The following CDC42SE2 variants were observed in gnomAD, a reference collection of about 807,000 sequenced individuals.
The protein encoded by CDC42SE2 is CDC42 small effector 2, also known as CDC42 small effector protein 2.
A neutral mutation model predicts 11.5 loss-of-function variants in CDC42SE2; 3 were observed. That is an observed-to-expected ratio of 0.26 (90% CI 0.12 to 0.67). The LOEUF (loss-of-function observed/expected upper bound fraction) is 0.67. Among genes scored for constraint, CDC42SE2 ranks in the 30% least tolerant of loss-of-function variants. The pLI, the probability that CDC42SE2 is intolerant of heterozygous loss-of-function variation, is 0.80. For missense variants in CDC42SE2, 82 were observed against 106.8 expected (o/e 0.77, Z 1.02); for synonymous variants, 33 against 34.8 (o/e 0.95, Z 0.18).
intron 3 of CDC42SE2, among the ~76,000 whole-genome samples, chr5:131,369,751 A>G (rs1749964998): frequency 6.6e-6 from 1 of 152,100 alleles, no homozygotes; most frequent in African/African-American, 2.4e-5. Flanking sequence ...TGAAGTAGTA[A>G]CCCCAGTTCC....
the CDC42SE2 span, among the ~76,000 whole-genome samples, chr5:131,210,564 T>C: frequency 1.6e-4 from 24 of 152,232 alleles, no homozygotes; most frequent in Non-Finnish European, 3.2e-4. Flanking sequence ...TTATTTTCCT[T>C]TAACACTTCA....
intron 4 of CDC42SE2, among the ~76,000 whole-genome samples, chr5:131,388,824 AAAAC>A (rs1024325892): frequency 8.8e-4 from 134 of 152,248 alleles, no homozygotes; most frequent in African/African-American, 3.0e-3. Flanking sequence ...GCACAATGTA[AAAAC>A]AAACAAAGAT....
intron 3 of CDC42SE2, among the ~76,000 whole-genome samples, chr5:131,364,471 C>G (rs945928703): frequency 6.6e-6 from 1 of 152,166 alleles, no homozygotes; most frequent in Non-Finnish European, 1.5e-5. Flanking sequence ...AGGGCCAGTT[C>G]ATGTTTGGTC....
At chr5:131,253,981 A>G (rs1292379508) in intron 1 of CDC42SE2, among the ~76,000 whole-genome samples, 4 of 152,174 alleles carry the variant, frequency 2.6e-5, no homozygotes, top group African/African-American at 9.7e-5. Flanking sequence ...CCACTGTCTG[A>G]ATCATCTCTG....
intron 3 of CDC42SE2, among the ~76,000 whole-genome samples, chr5:131,364,451 G>A (rs1749798060): frequency 1.3e-5 from 2 of 152,232 alleles, no homozygotes; most frequent in Admixed American, 1.3e-4. Context: ...TGAGGTCTAA[G>A]AGGTAACCAA....
chr5:131,367,834 C>T (rs1580782497), intron 3 of CDC42SE2, among the ~76,000 whole-genome samples: 2 of 152,210 alleles, frequency 1.3e-5, no homozygotes, highest in South Asian at 4.1e-4. Flanking sequence ...ACCCAAATTT[C>T]CCTATAAAAG....
chr5:131,364,942 G>A (rs1007245546), intron 3 of CDC42SE2, among the ~76,000 whole-genome samples: 1 of 152,132 alleles, frequency 6.6e-6, no homozygotes, highest in African/African-American at 2.4e-5. Context: ...ACGGAGTGGG[G>A]ATGGATCAGT....
intron 1 of CDC42SE2, among the ~76,000 whole-genome samples, chr5:131,281,187 G>A (rs532346327): frequency 1.3e-5 from 2 of 152,086 alleles, no homozygotes; most frequent in Admixed American, 6.6e-5. Context: ...TCTTAACCTC[G>A]TCCTTTCTGT....
At chr5:131,311,356 C>G (rs907334838) in intron 1 of CDC42SE2, among the ~76,000 whole-genome samples, 10 of 152,062 alleles carry the variant, frequency 6.6e-5, no homozygotes, top group Non-Finnish European at 1.5e-4. Context: ...CCCGACTTTT[C>G]TCTCTGGCTG....
intron 1 of CDC42SE2, among the ~76,000 whole-genome samples, chr5:131,252,059 T>TGGAAGGAA (rs60052435): frequency 0.32 from 37,958 of 117,712 alleles, 7,408 homozygotes; most frequent in Middle Eastern, 0.41. Flanking sequence ...AGAGAATGAG[T>TGGAAGGAA]GGAAGGAAGG....
chr5:131,390,064 G>GA (rs549099787), intron 4 of CDC42SE2, among the ~76,000 whole-genome samples: 44 of 152,252 alleles, frequency 2.9e-4, no homozygotes, highest in Admixed American at 2.6e-3. Flanking sequence ...ACTCTATCAG[G>GA]AAACAGCCCT....
At chr5:131,299,599 A>C (rs1286635353) in intron 1 of CDC42SE2, among the ~76,000 whole-genome samples, 4 of 152,202 alleles carry the variant, frequency 2.6e-5, no homozygotes, top group Admixed American at 2.6e-4. Context: ...GTAAAGTTTG[A>C]AGCAGAGGTA....
intron 1 of CDC42SE2, among the ~76,000 whole-genome samples, chr5:131,268,499 G>T (rs748774902): frequency 5.3e-5 from 8 of 149,856 alleles, no homozygotes; most frequent in Non-Finnish European, 1.2e-4. Flanking sequence ...GTTGCCCAGG[G>T]TGGAGTGAAA....
In CDC42SE2 at chr5:131,266,178, T is replaced by G. The variant is rs1756854056; in HGVS notation, c.-455+2012T>G. Among the ~76,000 whole-genome samples, 3 of 152,180 alleles carry G rather than the reference T, an allele frequency of 2.0e-5. No homozygotes were observed. In the South Asian group the frequency reaches 6.2e-4, roughly 31 times the overall value. On this transcript the variant is annotated intron_variant, in intron 1 of 4. Coordinates refer to ENST00000505065, the MANE Select transcript of CDC42SE2 (RefSeq NM_001375635.1). ...ATGAGATTTGTAGTTTTGCATTTAT[T>G]CTGAACATAAGGTTGCGTTGCCTAT... is the stretch of plus-strand genomic sequence containing the variant.
chr5:131,275,174 T>C (rs1208213896), intron 1 of CDC42SE2, among the ~76,000 whole-genome samples: 1 of 151,852 alleles, frequency 6.6e-6, no homozygotes, highest in Non-Finnish European at 1.5e-5. Context: ...GGTAGTAGGG[T>C]GACAGCACCT....
the CDC42SE2 span, among the ~76,000 whole-genome samples, chr5:131,233,502 G>A: frequency 1.1e-4 from 16 of 152,098 alleles, no homozygotes; most frequent in Admixed American, 7.9e-4. Flanking sequence ...CAAGCAGCTG[G>A]GATTATAGGC....
At chr5:131,288,106 T>C (rs573097736) in intron 1 of CDC42SE2, among the ~76,000 whole-genome samples, 126 of 151,990 alleles carry the variant, frequency 8.3e-4, no homozygotes, top group African/African-American at 2.8e-3. Flanking sequence ...ATAAATTAGC[T>C]TGGCATGGTG....
chr5:131,344,695 T>C (rs1229571844), intron 2 of CDC42SE2, among the ~76,000 whole-genome samples: 1 of 152,242 alleles, frequency 6.6e-6, no homozygotes, highest in Non-Finnish European at 1.5e-5. Flanking sequence ...ATGGACAGAA[T>C]GCCTCCTCAA....
At chr5:131,238,084 C>A in the CDC42SE2 span, among the ~76,000 whole-genome samples, 1 of 124,622 alleles carries the variant, frequency 8.0e-6, no homozygotes, top group Non-Finnish European at 1.7e-5. Context: ...GTTTCAGAAC[C>A]TCTCAATAGT....
Sources: gnomAD v4.1 joint callset for allele counts (sites outside exome capture counted in the v4.1 genomes callset) on GRCh38, gnomAD v4.1.1 for gene constraint, MANE v1.5 for transcripts, NCBI Gene and HGNC (gene_info 2026-07-23, HGNC 2026-07-21) for gene names.